PREP: variants seen among roughly 807,000 people sequenced by gnomAD.
PREP encodes prolyl endopeptidase.
PREP carries 29 observed loss-of-function variants against 87.6 expected under a neutral mutation model. The observed-to-expected ratio is 0.33, with a 90% CI of 0.25 to 0.45. The LOEUF is 0.45. Among genes scored for constraint, PREP ranks in the 20% least tolerant of loss-of-function variants. The pLI, the probability that PREP is intolerant of heterozygous loss-of-function variation, is 1.00. For synonymous variants in PREP, 337 were observed against 328.6 expected, an observed-to-expected ratio of 1.03 and a Z score of -0.28; for missense variants, 695 against 886.5, an observed-to-expected ratio of 0.78 and a Z score of 2.74.
In PREP at chr6:105,402,855, C is replaced by G. The variant is rs1420464555; in HGVS notation, c.37G>C (p.Glu13Gln). The G allele has an allele frequency of 1.3e-6, 2 of 1,544,774 alleles. No individual in the cohort carries two copies. Among genetic ancestry groups the G allele is most frequent in the South Asian group, 1.2e-5 (1 of 83,458 alleles). ...GAGGCAGAGATACTTACGGCGGTCT[C>G]GTCGCGGTACACGTCGGGGTACTGA... ...SLQYPDVYRD[E>Q]TAVQDYHGHK... is the part of the protein sequence containing the mutation. The change falls in exon 1 of 15, where the codon GAG becomes CAG. Residue 13 changes from glutamate (E) to glutamine (Q), a missense_variant. By Grantham distance (29) the Glu-to-Gln change is conservative. Transcript: ENST00000652536.
chr6:105,366,774 G>A (rs1320717859), intron 6 of PREP, among the ~76,000 whole-genome samples: 3 of 152,178 alleles, frequency 2.0e-5, no homozygotes, highest in Non-Finnish European at 4.4e-5. Flanking sequence ...ACCGACACAC[G>A]CTACAAGATG....
intron 7 of PREP, among the ~76,000 whole-genome samples, chr6:105,334,158 A>G (rs753481571): frequency 2.6e-5 from 4 of 152,204 alleles, no homozygotes; most frequent in South Asian, 2.1e-4. Flanking sequence ...CAGTATCTCA[A>G]TCTTTTAAAG....
chr6:105,330,797 G>C (rs1340005905), intron 8 of PREP, among the ~76,000 whole-genome samples: 5 of 152,220 alleles, frequency 3.3e-5, no homozygotes, highest in Non-Finnish European at 5.9e-5. Context: ...AGGATCACCA[G>C]GGGCCTTGAT....
rs562890238 is a variant in PREP, at chr6:105,368,356, G to A, written c.717+547C>T. Among the ~76,000 whole-genome samples the A allele has an allele frequency of 2.6e-4, 40 of 152,278 alleles. No individual in the cohort carries two copies. In the South Asian group the frequency reaches 7.7e-3, roughly 29 times the overall value. On this transcript the variant is annotated intron_variant, in intron 6 of 14. Transcript: ENST00000652536. Reference sequence around the variant, plus strand: ...AAAATACAGACTAAATTCTAGGCCAGTAACTTAAAAACCTATCACTTCAAG... The same window carrying A: ...AAAATACAGACTAAATTCTAGGCCAATAACTTAAAAACCTATCACTTCAAG...
chr6:105,347,649 G>A (rs1771833162), intron 7 of PREP, among the ~76,000 whole-genome samples: 1 of 152,074 alleles, frequency 6.6e-6, no homozygotes, highest in Non-Finnish European at 1.5e-5. Context: ...TACCCATACT[G>A]CAGAAAATAT....
chr6:105,387,254 C>A (rs1309610244), intron 2 of PREP, among the ~76,000 whole-genome samples: 2 of 152,072 alleles, frequency 1.3e-5, no homozygotes, highest in East Asian at 3.9e-4. Flanking sequence ...TGAGAGAAAT[C>A]AGTTATCGCA....
chr6:105,287,261 T>C (rs1364922323), intron 11 of PREP, among the ~76,000 whole-genome samples: 2 of 152,060 alleles, frequency 1.3e-5, no homozygotes, highest in Admixed American at 6.6e-5. Context: ...CTGGGAAACT[T>C]TGGAAAGAGA....
intron 10 of PREP, among the ~76,000 whole-genome samples, chr6:105,301,951 G>A (rs1770546121): frequency 6.6e-6 from 1 of 152,230 alleles, no homozygotes; most frequent in Non-Finnish European, 1.5e-5. Context: ...GGGCAGTGAA[G>A]GAGGCACAGC....
At chr6:105,339,233 G>A (rs147760593) in intron 7 of PREP, among the ~76,000 whole-genome samples, 83 of 152,316 alleles carry the variant, frequency 5.4e-4, no homozygotes, top group African/African-American at 1.9e-3. Context: ...TGCAATATTT[G>A]CTGTTCTGTA....
chr6:105,351,410 T>C (rs1304959182), intron 7 of PREP, among the ~76,000 whole-genome samples: 1 of 133,718 alleles, frequency 7.5e-6, no homozygotes, highest in Non-Finnish European at 1.7e-5. Context: ...CTGTACTGTC[T>C]TCCTTTTGGA....
At chr6:105,359,817 C>A (rs972402173) in intron 6 of PREP, among the ~76,000 whole-genome samples, 5 of 152,142 alleles carry the variant, frequency 3.3e-5, no homozygotes, top group Non-Finnish European at 2.9e-5. Context: ...GAAGGGCTCA[C>A]CTAGCTTGAG....
chr6:105,306,711 G>C (rs1178090097), intron 10 of PREP, among the ~76,000 whole-genome samples: 1 of 152,134 alleles, frequency 6.6e-6, no homozygotes, highest in African/African-American at 2.4e-5. Flanking sequence ...CACTGTTGGA[G>C]TTTTCGGCTG....
At chr6:105,368,314 C>T (rs914231715) in intron 6 of PREP, among the ~76,000 whole-genome samples, 8 of 152,330 alleles carry the variant, frequency 5.3e-5, no homozygotes, top group African/African-American at 1.4e-4. Flanking sequence ...CCCTAAGTTT[C>T]TTCACAGCTG....
rs1413569193 is a variant in PREP, at chr6:105,278,850, A to G, written c.1839-412T>C. ...TCTTTTGTTGAGAAACTTGAAATCC[A>G]CAGTATAAAGGGGCTTGCTGCCCCT... On this transcript the variant is annotated intron_variant, in intron 14 of 14. Coordinates refer to ENST00000652536, the MANE Select transcript of PREP (RefSeq NM_002726.5). The surrounding 1 kb of genome is among the most constrained non-coding windows in gnomAD (Gnocchi z 4.2). Among the ~76,000 whole-genome samples the G allele has an allele frequency of 6.6e-6, 1 of 152,190 alleles. No homozygotes were observed. The highest frequency in any genetic ancestry group is 1.5e-5 in the Non-Finnish European group (1 of 68,038).
intron 4 of PREP, among the ~76,000 whole-genome samples, chr6:105,373,805 T>C (rs769296534): frequency 1.8e-4 from 27 of 152,246 alleles, no homozygotes; most frequent in Non-Finnish European, 3.5e-4. Context: ...AATTTGTCTA[T>C]AAAATGAAAT....
At chr6:105,385,958 A>G (rs1208982735) in intron 2 of PREP, among the ~76,000 whole-genome samples, 1 of 152,128 alleles carries the variant, frequency 6.6e-6, no homozygotes, top group African/African-American at 2.4e-5. Context: ...CACCTCTACT[A>G]AAAATACAAA....
intron 2 of PREP, among the ~76,000 whole-genome samples, chr6:105,395,190 A>T (rs1373078737): frequency 1.3e-5 from 2 of 152,232 alleles, no homozygotes; most frequent in Non-Finnish European, 2.9e-5. Context: ...AAAAAAGAAC[A>T]GGTCAGCATG....
At chr6:105,299,262 C>A (rs1237717757) in intron 10 of PREP, among the ~76,000 whole-genome samples, 1 of 152,234 alleles carries the variant, frequency 6.6e-6, no homozygotes, top group Non-Finnish European at 1.5e-5. Context: ...TAGCAGTCCT[C>A]TCTTATTTTA....
rs150929576 is a variant in PREP, at chr6:105,331,243, T to G, written c.1015+2071A>C. Reference sequence around the variant, plus strand: ...TAAATTGATGAGTTCTAGTGAACACTGAAGGTTTCCCCTTTCCAGTCTGAA... The same window carrying G: ...TAAATTGATGAGTTCTAGTGAACACGGAAGGTTTCCCCTTTCCAGTCTGAA... On this transcript the variant is annotated intron_variant, in intron 8 of 14. Transcript: ENST00000652536. Among the ~76,000 whole-genome samples the G allele has an allele frequency of 2.0e-3, 308 of 152,306 alleles. 1 individual carries two copies. Among genetic ancestry groups the G allele is most frequent in the African/African-American group, 7.1e-3 (297 of 41,566 alleles).
Sources: gnomAD v4.1 joint callset for allele counts (sites outside exome capture counted in the v4.1 genomes callset) on GRCh38, gnomAD v4.1.1 for gene constraint, Gnocchi (gnomAD v3.1) non-coding constraint, MANE v1.5 for transcripts, NCBI Gene and HGNC (gene_info 2026-07-23, HGNC 2026-07-21) for gene names.